MUC4: variants seen among roughly 807,000 people sequenced by gnomAD.
The protein encoded by MUC4 is mucin-4.
A neutral mutation model predicts 257.9 loss-of-function variants in MUC4; 202 were observed. The observed-to-expected ratio is 0.78, with a 90% CI of 0.70 to 0.88. MUC4 has a LOEUF of 0.88. Ranked by LOEUF, MUC4 falls within the 40% of genes least tolerant of loss-of-function variation. The pLI, the probability that MUC4 is intolerant of heterozygous loss-of-function variation, is 0.00. For synonymous variants in MUC4, 2,351 were observed against 2,757.1 expected (o/e 0.85, Z 4.62); for missense variants, 5,976 against 6,513.7 (o/e 0.92, Z 2.84).
chr3:195,759,867 C>T (rs907099582), intron 16 of MUC4, among the ~76,000 whole-genome samples: 4 of 123,862 alleles, frequency 3.2e-5, no homozygotes, highest in African/African-American at 5.6e-5. Context: ...TGCGACGAGC[C>T]GAGATCACGT....
At chr3:195,803,475 C>T (rs887923863) in intron 1 of MUC4, among the ~76,000 whole-genome samples, 2 of 152,164 alleles carry the variant, frequency 1.3e-5, no homozygotes, top group Non-Finnish European at 2.9e-5. Context: ...TCCGCATCTG[C>T]GCTGGGTCGA....
In MUC4 at chr3:195,754,302, T is replaced by C. The variant is rs1717076919; in HGVS notation, c.15239A>G (p.Glu5080Gly). The change falls in exon 19 of 25, where the codon GAG becomes GGG. Residue 5080 changes from glutamate (E) to glycine (G), a missense_variant. Coordinates refer to ENST00000463781, the MANE Select transcript of MUC4 (RefSeq NM_018406.7). ...GCAGTGGACACTCGGGAAGCACGGC[T>C]CCTCACAGGCATCCTCGGAGCCCTC... ...YCEGSEDACE[E>G]PCFPSVHCVP... The C allele has an allele frequency of 6.2e-7, 1 of 1,613,644 alleles. No homozygotes were observed. Among genetic ancestry groups the C allele is most frequent in the Non-Finnish European group, 8.5e-7 (1 of 1,179,946 alleles).
chr3:195,773,555 A>C (rs1723644052), intron 4 of MUC4, among the ~76,000 whole-genome samples: 1 of 115,784 alleles, frequency 8.6e-6, no homozygotes, highest in African/African-American at 4.6e-5. Flanking sequence ...CCCTCTCTCT[A>C]TCGCTCAGCA....
Position 195,762,214 on chromosome 3 carries a change from G to T in MUC4, c.14385C>A (p.Arg4795=), listed in dbSNP as rs1288152281. ...AGCTGGCCGAGACCTCAGAGCCGTT[G>T]CGGCTCAGGAGGACTCCGGTGGCGT... ...TFNATGVLLS[R]NGSEVSASFD... is the part of the protein sequence containing the mutation. The change falls in exon 14 of 25, where the codon CGC becomes CGA. Residue 4795 remains arginine (R), a synonymous_variant. Coordinates refer to ENST00000463781, the MANE Select transcript of MUC4 (RefSeq NM_018406.7). The T allele has an allele frequency of 1.3e-6, 2 of 1,596,078 alleles. No individual in the cohort carries two copies. Among genetic ancestry groups the T allele is most frequent in the Non-Finnish European group, 8.5e-7 (1 of 1,171,554 alleles).
rs1312112710 is a variant in MUC4 at position 195,782,143 on chromosome 3, G to A, written c.9437C>T (p.Ser3146Phe). ...ALPVTSTSSA[S>F]TGDTTPLPVT... Reference sequence around the variant, plus strand: ...AGGAAGAGGGGTGGTGTCACCTGTGGATGCTGAGGAAGTGCTGGTGACAGG... The same window carrying A: ...AGGAAGAGGGGTGGTGTCACCTGTGAATGCTGAGGAAGTGCTGGTGACAGG... Residue 3146 changes from serine to phenylalanine, a missense_variant, in exon 2 of 25, where the codon TCC (serine) becomes TTC (phenylalanine). Ser to Phe is a radical substitution (Grantham distance 155, BLOSUM62 -2). Coordinates refer to ENST00000463781, the MANE Select transcript of MUC4 (RefSeq NM_018406.7). 7.4e-7 allele frequency: 1 copy of A among 1,357,146 alleles called. No individual in the cohort carries two copies. The highest frequency in any genetic ancestry group is 9.7e-7 in the Non-Finnish European group (1 of 1,033,442). The allele number at this position is 1,357,146 out of a possible 1,614,324, so 84.1% of individuals were successfully genotyped here.
chr3:195,776,261 ACACC>A lies in MUC4; in HGVS notation c.12944-1960_12944-1957del, dbSNP rs1454056455. On this transcript the variant is annotated intron_variant, in intron 3 of 24. Transcript: ENST00000463781. ...CATACCTTCCACACCCATACCTTCC[ACACC>A]CATACCTTCCACACCCATACCTTCC... 2.4e-4 allele frequency among the ~76,000 whole-genome samples: 21 copies of A among 86,276 alleles called. 1 individual carries two copies. Among genetic ancestry groups the A allele is most frequent in the African/African-American group, 9.7e-4 (17 of 17,456 alleles). The allele number at this position is 86,276 out of a possible 152,430, so 56.6% of individuals were successfully genotyped here. A position where few individuals can be genotyped will look rare whatever the true frequency, so the allele number is the denominator to read the frequency against.
intron 1 of MUC4, among the ~76,000 whole-genome samples, chr3:195,805,465 C>T (rs1282451426): frequency 6.6e-6 from 1 of 152,228 alleles, no homozygotes; most frequent in Non-Finnish European, 1.5e-5. Context: ...ACCCATCTCT[C>T]CTGGCTCCCA....
rs776713602 is a variant in MUC4, at chr3:195,754,184, G to A, written c.15328+29C>T. Reference sequence around the variant, plus strand: ...TGAGCTATCAGCTGCTCCCAGAAGCGCCTGCTCCAGGCCCTGTTCCCGGCT... The same window carrying A: ...TGAGCTATCAGCTGCTCCCAGAAGCACCTGCTCCAGGCCCTGTTCCCGGCT... On this transcript the variant is annotated intron_variant, in intron 19 of 24. Coordinates refer to ENST00000463781, the MANE Select transcript of MUC4 (RefSeq NM_018406.7). 14 of 1,590,670 alleles carry A rather than the reference G, an allele frequency of 8.8e-6. No homozygotes were observed. Among genetic ancestry groups the A allele is most frequent in the Middle Eastern group, 1.7e-4 (1 of 5,956 alleles).
At chr3:195,767,938 TACCACCACC>T (rs763983469) in intron 7 of MUC4, among the ~76,000 whole-genome samples, 48 of 66,730 alleles carry the variant, frequency 7.2e-4, no homozygotes, top group African/African-American at 1.9e-3. Context: ...CCACCGCCAC[TACCACCACC>T]ACCACCACCA....
In MUC4 at chr3:195,783,214, C is replaced by T. The variant is rs879492636; in HGVS notation, c.8366G>A (p.Ser2789Asn). 1.2e-3 allele frequency: 1,504 copies of T among 1,273,990 alleles called. 76 individuals are homozygous for T. In the African/African-American group the frequency reaches 0.013, roughly 11 times the overall value. 78.9% of individuals were successfully genotyped at this position (1,273,990 alleles called of 1,614,324 possible). A position where few individuals can be genotyped will look rare whatever the true frequency, so the allele number is the denominator to read the frequency against. ...GTGACCTGTGGATGCTGAGGAAGGG[C>T]TGGTGACATGAAGAGGGGTGGCGTG... is the stretch of plus-strand genomic sequence containing the variant. ...TGHATPLHVT[S>N]PSSASTGHTT... The change falls in exon 2 of 25, where the codon AGC (serine) becomes AAC (asparagine). Residue 2789 changes from serine to asparagine, a missense_variant. Coordinates refer to ENST00000463781, the MANE Select transcript of MUC4 (RefSeq NM_018406.7).
intron 1 of MUC4, among the ~76,000 whole-genome samples, chr3:195,805,088 T>C (rs1417383950): frequency 1.4e-5 from 2 of 145,170 alleles, no homozygotes; most frequent in Non-Finnish European, 3.0e-5. Context: ...TGAGATGGAG[T>C]CTCGCTCTGT....
In MUC4 at chr3:195,782,014, C is replaced by A. The variant is rs778780899; in HGVS notation, c.9566G>T (p.Ser3189Ile). The change falls in exon 2 of 25, where the codon AGC (serine) becomes ATC (isoleucine). Residue 3189 changes from serine to isoleucine, a missense_variant. Physicochemically the swap from Ser to Ile is moderately radical, Grantham distance 142. Transcript: ENST00000463781. The stretch of plus-strand genomic sequence containing the variant: ...GTGACCTGTGGATGCTGAGGAAGGG[C>A]TAGTGACAGGAAGAGGCGTGGTGTC... ...TGDTTPLPVT[S>I]PSSASTGHAT... is the part of the protein sequence containing the mutation. 11 of 1,487,564 alleles carry A rather than the reference C, an allele frequency of 7.4e-6. No individual in the cohort carries two copies. In the East Asian group the frequency reaches 2.8e-4, roughly 37 times the overall value. The allele number at this position is 1,487,564 out of a possible 1,614,324, so 92.1% of individuals were successfully genotyped here. A position where few individuals can be genotyped will look rare whatever the true frequency, so the allele number is the denominator to read the frequency against.
rs752712534 is a variant in MUC4 at position 195,780,442 on chromosome 3, A to G, written c.11138T>C (p.Leu3713Pro). 780 of 1,527,814 alleles carry G rather than the reference A, an allele frequency of 5.1e-4. 11 individuals carry two copies. The African/African-American group carries it at 0.011, about 22-fold the overall frequency. 94.6% of individuals were successfully genotyped at this position (1,527,814 alleles called of 1,614,324 possible). A position where few individuals can be genotyped will look rare whatever the true frequency, so the allele number is the denominator to read the frequency against. The change falls in exon 2 of 25, where the codon CTT becomes CCT. Residue 3713 changes from leucine to proline, a missense_variant. By Grantham distance (98) the Leu-to-Pro change is moderately conservative. Transcript: ENST00000463781. ...SSSSSGHTTPLPVTSTSSVST... is the reference protein window; with the variant it reads ...SSSSSGHTTPPPVTSTSSVST... The stretch of plus-strand genomic sequence containing the variant: ...TACTGAGGAAGTGCTGGTGACAGGA[A>G]GAGGGGTGGTGTGACCTGAGGATGA...
Position 195,766,649 on chromosome 3 carries a change from G to A in MUC4, c.13618+14C>T. 2.5e-6 allele frequency: 4 copies of A among 1,612,622 alleles called. No homozygotes were observed. Among genetic ancestry groups the A allele is most frequent in the Non-Finnish European group, 3.4e-6 (4 of 1,178,614 alleles). ...CTTGAGACCAGCTCAGGTGTGATAAGGTGGCACTTTTACCTGAGTTGGAAT... is the reference window on the plus strand; with the variant it reads ...CTTGAGACCAGCTCAGGTGTGATAAAGTGGCACTTTTACCTGAGTTGGAAT... On this transcript the variant is annotated intron_variant, in intron 8 of 24. Transcript: ENST00000463781.
chr3:195,765,075 G>T lies in MUC4; in HGVS notation c.13846C>A (p.Arg4616=), dbSNP rs779356419. 3 of 1,613,812 alleles carry T rather than the reference G, an allele frequency of 1.9e-6. No individual in the cohort carries two copies. Among genetic ancestry groups the T allele is most frequent in the Non-Finnish European group, 1.7e-6 (2 of 1,179,870 alleles). The stretch of plus-strand genomic sequence containing the variant: ...CCGTAGCTGCAGCACACGCCTCCTC[G>T]CCAAGAGGTGAAGCTGCACAGCTGC... ...SRQLCSFTSW[R]GGVCCSYGPW... is the part of the protein sequence containing the mutation. Residue 4616 remains arginine (R), a synonymous_variant, in exon 10 of 25, where the codon CGA becomes AGA. Transcript: ENST00000463781.
intron 1 of MUC4, among the ~76,000 whole-genome samples, chr3:195,799,267 G>C (rs1053101857): frequency 6.6e-6 from 1 of 151,598 alleles, no homozygotes; most frequent in East Asian, 1.9e-4. Flanking sequence ...GTGTGACACT[G>C]TGTGTGTGTG....
chr3:195,789,400 G>C lies in MUC4; in HGVS notation c.2180C>G (p.Ser727Ter). The C allele has an allele frequency of 6.2e-7, 1 of 1,613,920 alleles. No homozygotes were observed. The highest frequency in any genetic ancestry group is 1.3e-5 in the African/African-American group (1 of 75,032). The part of the protein sequence containing the change: ...PSSHDATLGP[S>*]GGTSLSKTGA... ...TGTTTTGGAAAGTGACGTGCCTCCT[G>C]AGGGCCCCAGGGTGGCATCATGGCT... is the stretch of plus-strand genomic sequence containing the variant. The change falls in exon 2 of 25, where the codon TCA (serine) becomes TGA (stop). Residue 727 changes from serine (S) to a stop codon, truncating the protein, a stop_gained. Coordinates refer to ENST00000463781, the MANE Select transcript of MUC4 (RefSeq NM_018406.7). LOFTEE classifies it high-confidence loss of function.
At position 195,782,859 on chromosome 3, in the gene MUC4, T is replaced by C. The variant is rs1324114695; in HGVS notation, c.8721A>G (p.Thr2907=). The change falls in exon 2 of 25, where the codon ACA becomes ACG. Residue 2907 remains threonine (T), a synonymous_variant. Transcript: ENST00000463781. ...LPLTSLSSVS[T]GDTTPLPVTD... is the part of the protein sequence containing the mutation. Reference sequence around the variant, plus strand: ...TGACAGGAAGAGGCGTGGTGTCACCTGTGGATACTGAGGAAAGGCTGGTGA... The same window carrying C: ...TGACAGGAAGAGGCGTGGTGTCACCCGTGGATACTGAGGAAAGGCTGGTGA... The C allele has an allele frequency of 2.0e-6, 3 of 1,522,518 alleles. No homozygotes were observed. Among genetic ancestry groups the C allele is most frequent in the Non-Finnish European group, 2.7e-6 (3 of 1,128,330 alleles). 94.3% of individuals were successfully genotyped at this position (1,522,518 alleles called of 1,614,324 possible).
At chr3:195,761,965 G>A in intron 14 of MUC4, 122 bp downstream of exon 14, 1 of 1,201,084 alleles carries the variant, frequency 8.3e-7, no homozygotes, top group African/African-American at 1.5e-5. Context: ...TGTGCCCCAA[G>A]GGTTCTGCTC....
Sources: allele counts gnomAD v4.1 joint callset (sites outside exome capture counted in the v4.1 genomes callset), GRCh38; gene constraint gnomAD v4.1.1; transcripts MANE v1.5; gene names NCBI Gene and HGNC (gene_info 2026-07-23, HGNC 2026-07-21).